The following PRKCH variants were observed in gnomAD, a reference collection of about 807,000 sequenced individuals.
PRKCH encodes protein kinase C eta.
In PRKCH, 28 loss-of-function variants were observed where a neutral mutation model predicts 82.5. The ratio of observed to expected loss-of-function variants is 0.34; its 90% confidence interval spans 0.25 to 0.47. The LOEUF (loss-of-function observed/expected upper bound fraction) is 0.47. PRKCH is among the 20% of genes least tolerant of loss of function. The pLI, the probability that PRKCH is intolerant of heterozygous loss-of-function variation, is 1.00. For missense variants in PRKCH, 705 were observed against 881.8 expected (o/e 0.80, Z 2.54); for synonymous variants, 322 against 327.4 (o/e 0.98, Z 0.18).
intron 9 of PRKCH, among the ~76,000 whole-genome samples, chr14:61,466,550 A>G (rs1001230125): frequency 3.9e-5 from 6 of 152,140 alleles, no homozygotes; most frequent in Non-Finnish European, 7.4e-5. Flanking sequence ...GGAGCAGCAA[A>G]GTAAATATTG....
chr14:61,487,647 A>G (rs1291913549), intron 10 of PRKCH, among the ~76,000 whole-genome samples: 1 of 152,098 alleles, frequency 6.6e-6, no homozygotes, highest in Non-Finnish European at 1.5e-5. Flanking sequence ...TGACTCCCCT[A>G]CTTGACAGGG....
chr14:61,301,652 G>T (rs2045448211), intron 1 of PRKCH, among the ~76,000 whole-genome samples: 1 of 152,286 alleles, frequency 6.6e-6, no homozygotes, highest in Middle Eastern at 3.4e-3. Flanking sequence ...GACCAGCCTG[G>T]TCAACATGGT....
At chr14:61,244,412 A>G (rs748810904) in intron 1 of PRKCH, among the ~76,000 whole-genome samples, 4 of 152,232 alleles carry the variant, frequency 2.6e-5, no homozygotes, top group Non-Finnish European at 4.4e-5. Context: ...ACACGAAGTT[A>G]CATTTGTTAC....
At chr14:61,220,562 G>A (rs1158598979) in intron 1 of PRKCH, among the ~76,000 whole-genome samples, 1 of 152,334 alleles carries the variant, frequency 6.6e-6, no homozygotes, top group East Asian at 1.9e-4. Flanking sequence ...AGAAGACCAA[G>A]AATCATGGCA....
chr14:61,381,818 A>T (rs1275618242), intron 1 of PRKCH, among the ~76,000 whole-genome samples: 1 of 152,220 alleles, frequency 6.6e-6, no homozygotes, highest in Non-Finnish European at 1.5e-5. Context: ...TGATGACCTC[A>T]TGTGCCAGAA....
intron 1 of PRKCH, among the ~76,000 whole-genome samples, chr14:61,315,888 C>A (rs937594737): frequency 2.0e-5 from 3 of 151,618 alleles, no homozygotes; most frequent in Non-Finnish European, 4.4e-5. Flanking sequence ...GCTGGGATTA[C>A]AGGGACATAC....
At chr14:61,498,063 G>GGAGT (rs1385050554) in intron 10 of PRKCH, among the ~76,000 whole-genome samples, 1 of 152,018 alleles carries the variant, frequency 6.6e-6, no homozygotes, top group Admixed American at 6.5e-5. Context: ...CACCCAGGCT[G>GGAGT]GAGTGCAGTG....
chr14:61,451,329 AAAAT>A (rs535581774), intron 6 of PRKCH, among the ~76,000 whole-genome samples: 298 of 152,302 alleles, frequency 2.0e-3, no homozygotes, highest in African/African-American at 6.6e-3. Context: ...TAAAAAGAAA[AAAAT>A]AAATAAAAAT....
chr14:61,218,039 C>T (rs180675770), intron 1 of PRKCH, among the ~76,000 whole-genome samples: 3 of 152,238 alleles, frequency 2.0e-5, no homozygotes, highest in African/African-American at 7.2e-5. Context: ...TGGAACTACT[C>T]GGACCCGGCG....
intron 1 of PRKCH, among the ~76,000 whole-genome samples, chr14:61,197,092 G>C (rs1355598101): frequency 6.6e-6 from 1 of 152,044 alleles, no homozygotes; most frequent in Non-Finnish European, 1.5e-5. Flanking sequence ...TTTCTTTTCT[G>C]TTCTCCTTTC....
intron 10 of PRKCH, among the ~76,000 whole-genome samples, chr14:61,506,668 G>A (rs957720687): frequency 3.9e-5 from 6 of 152,122 alleles, no homozygotes; most frequent in Non-Finnish European, 7.3e-5. Context: ...AGAAAAAAAT[G>A]CTAAGAAGCA....
intron 5 of PRKCH, 111 bp downstream of exon 5, chr14:61,449,363 G>A (rs79157934): frequency 0.032 from 28,371 of 883,866 alleles, 609 homozygotes; most frequent in East Asian, 0.056. Context: ...CCTTCTCCCC[G>A]TCCCCAAACC....
chr14:61,283,909 G>T (rs951772206), intron 1 of PRKCH, among the ~76,000 whole-genome samples: 1 of 152,302 alleles, frequency 6.6e-6, no homozygotes, highest in Non-Finnish European at 1.5e-5. Context: ...GTGTGGAAAG[G>T]GAAGGAGAAA....
intron 1 of PRKCH, among the ~76,000 whole-genome samples, chr14:61,368,884 G>A (rs1417468661): frequency 6.6e-6 from 1 of 151,978 alleles, no homozygotes; most frequent in Non-Finnish European, 1.5e-5. Flanking sequence ...TTTAAAGGAT[G>A]TTCATTCATG....
chr14:61,518,636 G>A (rs1213425056), intron 10 of PRKCH, among the ~76,000 whole-genome samples: 3 of 152,102 alleles, frequency 2.0e-5, no homozygotes, highest in Admixed American at 6.5e-5. Context: ...GACAAAGTGA[G>A]GGGAAATCTC....
intron 1 of PRKCH, among the ~76,000 whole-genome samples, chr14:61,316,431 G>C (rs541459172): frequency 2.0e-5 from 3 of 152,320 alleles, no homozygotes; most frequent in East Asian, 1.9e-4. Context: ...GAAGTCTAAA[G>C]TTATAGTGTG....
At chr14:61,343,007 A>G (rs2045947203) in intron 1 of PRKCH, among the ~76,000 whole-genome samples, 1 of 152,216 alleles carries the variant, frequency 6.6e-6, no homozygotes, top group South Asian at 2.1e-4. Flanking sequence ...CAGTTTCTCC[A>G]TGGATCCGAT....
At chr14:61,188,625 T>TCG (rs1240937999) in intron 1 of PRKCH, among the ~76,000 whole-genome samples, 3 of 81,586 alleles carry the variant, frequency 3.7e-5, no homozygotes, top group African/African-American at 4.8e-5. Flanking sequence ...TGTGTGTGTG[T>TCG]GTGTGTGTGT....
chr14:61,189,599 T>TCCTTC (rs1227336985), intron 1 of PRKCH, among the ~76,000 whole-genome samples: 2 of 151,756 alleles, frequency 1.3e-5, no homozygotes, highest in Non-Finnish European at 2.9e-5. Context: ...CGTCCCTCCC[T>TCCTTC]CCTTCCCTTC....
Sources: gnomAD v4.1 joint callset for allele counts (sites outside exome capture counted in the v4.1 genomes callset) on GRCh38, gnomAD v4.1.1 for gene constraint, MANE v1.5 for transcripts, NCBI Gene and HGNC (gene_info 2026-07-23, HGNC 2026-07-21) for gene names.